The following KITLG variants were observed in gnomAD, a reference collection of about 807,000 sequenced individuals.
KITLG encodes c-Kit ligand.
A neutral mutation model predicts 34.1 loss-of-function variants in KITLG; 13 were observed. The observed-to-expected ratio is 0.38, with a 90% CI of 0.25 to 0.61. The LOEUF is 0.61. KITLG is among the 20% of genes least tolerant of loss of function. The pLI, the probability that KITLG is intolerant of heterozygous loss-of-function variation, is 0.60. For synonymous variants in KITLG, 110 were observed against 104.0 expected (o/e 1.06, Z -0.35); for missense variants, 292 against 318.9 (o/e 0.92, Z 0.64).
At chr12:88,560,605 A>C (rs551264853) in intron 1 of KITLG, among the ~76,000 whole-genome samples, 1 of 152,296 alleles carries the variant, frequency 6.6e-6, no homozygotes, top group East Asian at 1.9e-4. Flanking sequence ...GCAACAGGTG[A>C]ATGTTAACCT....
At chr12:88,523,011 G>A (rs1371134352) in intron 3 of KITLG, among the ~76,000 whole-genome samples, 3 of 152,130 alleles carry the variant, frequency 2.0e-5, no homozygotes, top group Non-Finnish European at 4.4e-5. Context: ...TTCATAAGGA[G>A]TATTCACCCA....
chr12:88,501,237 T>C (rs1868844291), intron 9 of KITLG, among the ~76,000 whole-genome samples: 1 of 152,216 alleles, frequency 6.6e-6, no homozygotes, highest in African/African-American at 2.4e-5. Context: ...TTCTCTATTC[T>C]AGTGTTCCAA....
chr12:88,575,917 GA>G (rs769747360), intron 1 of KITLG, among the ~76,000 whole-genome samples: 1 of 150,648 alleles, frequency 6.6e-6, no homozygotes, highest in Non-Finnish European at 1.5e-5. Context: ...CTAGCATAAT[GA>G]AAAAAAAATG....
chr12:88,535,471 C>T (rs759799130), intron 2 of KITLG, among the ~76,000 whole-genome samples: 2 of 152,078 alleles, frequency 1.3e-5, no homozygotes, highest in South Asian at 2.1e-4. Flanking sequence ...AGAGGTTAAC[C>T]GGTATCCCCA....
At chr12:88,517,368 T>C (rs989019701) in intron 4 of KITLG, among the ~76,000 whole-genome samples, 4 of 152,024 alleles carry the variant, frequency 2.6e-5, no homozygotes, top group African/African-American at 4.8e-5. Flanking sequence ...GTAACCAAAA[T>C]AAACAACTAT....
chr12:88,501,740 A>G (rs1868865725), intron 9 of KITLG, among the ~76,000 whole-genome samples: 1 of 152,118 alleles, frequency 6.6e-6, no homozygotes, highest in Non-Finnish European at 1.5e-5. Flanking sequence ...ATTCTTATGT[A>G]CTCATAGACA....
At chr12:88,506,953 C>A in intron 7 of KITLG, 75 bp downstream of exon 7, 3 of 878,680 alleles carry the variant, frequency 3.4e-6, no homozygotes, top group Non-Finnish European at 5.8e-6. Flanking sequence ...CTTAAAGGAT[C>A]ATTTCTTGAG....
chr12:88,533,101 T>C (rs971946099), intron 2 of KITLG, among the ~76,000 whole-genome samples: 1 of 152,206 alleles, frequency 6.6e-6, no homozygotes, highest in Non-Finnish European at 1.5e-5. Context: ...AAATGCTTTA[T>C]AAGAAATAAT....
At chr12:88,529,669 C>T (rs1169614591) in intron 3 of KITLG, among the ~76,000 whole-genome samples, 1 of 152,208 alleles carries the variant, frequency 6.6e-6, no homozygotes, top group Non-Finnish European at 1.5e-5. Context: ...GGCACCCATT[C>T]CCACTCCACC....
Position 88,516,415 on chromosome 12 carries a change from A to G in KITLG, c.439T>C (p.Ser147Pro). The stretch of plus-strand genomic sequence containing the variant: ...ACAAAGTCCTTGAAGGCATCAATGG[A>G]TCTATTAAAAATTCTAAAGAATTCT... Reference protein sequence around the residue: ...PEEFFRIFNRSIDAFKDFVVA... With the variant: ...PEEFFRIFNRPIDAFKDFVVA... Residue 147 changes from serine to proline, a missense_variant, in exon 5 of 10, where the codon TCC (serine) becomes CCC (proline). Ser to Pro is a moderately conservative substitution (Grantham distance 74). Coordinates refer to ENST00000644744, the MANE Select transcript of KITLG (RefSeq NM_000899.5). 6.2e-7 allele frequency: 1 copy of G among 1,609,896 alleles called. No homozygotes were observed.
Position 88,574,245 on chromosome 12 carries a change from C to T in KITLG, c.15+6019G>A, listed in dbSNP as rs1357605997. On this transcript the variant is annotated intron_variant, in intron 1 of 9. Transcript: ENST00000644744. ...AGGGTCCAGCTGATCTTGGAATATTCTCATGTCAACAAGAAAAGACTGCCA... is the reference window on the plus strand; with the variant it reads ...AGGGTCCAGCTGATCTTGGAATATTTTCATGTCAACAAGAAAAGACTGCCA... 2.0e-5 allele frequency among the ~76,000 whole-genome samples: 3 copies of T among 149,498 alleles called. No homozygotes were observed. In the Admixed American group the frequency reaches 2.0e-4, roughly 10 times the overall value.
chr12:88,506,478 C>G, intron 7 of KITLG, 100 bp from the exon 8 acceptor site: 1 of 837,912 alleles, frequency 1.2e-6, no homozygotes, highest in Non-Finnish European at 2.1e-6. Context: ...GGCAATAACT[C>G]CAATAACAGT....
chr12:88,525,422 C>A (rs1332654418), intron 3 of KITLG, among the ~76,000 whole-genome samples: 8 of 152,138 alleles, frequency 5.3e-5, no homozygotes, highest in African/African-American at 1.4e-4. Flanking sequence ...TTATTCATAA[C>A]TATTTTTTGA....
Position 88,538,723 on chromosome 12 carries a change from G to A in KITLG, c.130-6220C>T, listed in dbSNP as rs527693972. On this transcript the variant is annotated intron_variant, in intron 2 of 9. Transcript: ENST00000644744. ...TAAGTGGATAAGTAACCAAGGCTAC[G>A]TATTTTAAAAAACAAATCTGTTCTA... is the stretch of plus-strand genomic sequence containing the variant. Among the ~76,000 whole-genome samples the A allele has an allele frequency of 3.9e-5, 6 of 152,146 alleles. No individual in the cohort carries two copies. The South Asian group carries it at 6.2e-4, about 16-fold the overall frequency.
chr12:88,551,772 A>C (rs753018164), intron 1 of KITLG, among the ~76,000 whole-genome samples: 3 of 152,122 alleles, frequency 2.0e-5, no homozygotes, highest in Non-Finnish European at 4.4e-5. Context: ...TCCATGTCCT[A>C]ATTCTTGGAA....
intron 2 of KITLG, among the ~76,000 whole-genome samples, chr12:88,535,927 A>C (rs1198704757): frequency 6.6e-6 from 1 of 152,182 alleles, no homozygotes; most frequent in Non-Finnish European, 1.5e-5. Context: ...TTAAAATGTA[A>C]GGCCCCACAC....
intron 3 of KITLG, among the ~76,000 whole-genome samples, chr12:88,521,043 T>C (rs897122161): frequency 2.0e-5 from 3 of 152,138 alleles, no homozygotes; most frequent in Admixed American, 1.3e-4. Context: ...AGCTGAAAAA[T>C]CGTGTATTTC....
chr12:88,548,582 G>A (rs1870794339), intron 1 of KITLG, among the ~76,000 whole-genome samples: 1 of 152,108 alleles, frequency 6.6e-6, no homozygotes, highest in Non-Finnish European at 1.5e-5. Flanking sequence ...GTGATGTTGG[G>A]TAGGTAGAAT....
intron 6 of KITLG, among the ~76,000 whole-genome samples, chr12:88,513,370 A>G (rs1869349408): frequency 6.6e-6 from 1 of 151,820 alleles, no homozygotes; most frequent in African/African-American, 2.4e-5. Flanking sequence ...CAGAAGGTCA[A>G]TACACAAATG....
Sources: allele counts gnomAD v4.1 joint callset (sites outside exome capture counted in the v4.1 genomes callset), GRCh38; gene constraint gnomAD v4.1.1; transcripts MANE v1.5; gene names NCBI Gene and HGNC (gene_info 2026-07-23, HGNC 2026-07-21).